The following THOC2 variants were observed in gnomAD, a reference collection of about 807,000 sequenced individuals.
THOC2 encodes the protein THO complex subunit 2, also known as THO complex 2.
In THOC2, 10 loss-of-function variants were observed where a neutral mutation model predicts 128.4. That is an observed-to-expected ratio of 0.08 (90% CI 0.05 to 0.13). The LOEUF (loss-of-function observed/expected upper bound fraction) is 0.13, where lower values mean the gene tolerates loss of function less well. Ranked by LOEUF, THOC2 falls within the 10% of genes least tolerant of loss-of-function variation. THOC2 has a pLI of 1.00. For synonymous variants in THOC2, 393 were observed against 396.9 expected (o/e 0.99, Z 0.12); for missense variants, 535 against 1,155.7 (o/e 0.46, Z 7.79).
At chrX:123,706,996 T>A in intron 2 of THOC2, 47 bp from the exon 3 acceptor site, 1 of 620,302 alleles carries the variant, frequency 1.6e-6, no homozygotes, top group Non-Finnish European at 2.4e-6. Context: ...CTCTTGAACA[T>A]GAAAAGTAAA....
rs141492331 is a variant in THOC2, at chrX:123,667,888, A to G, written c.1017+271T>C. Among the ~76,000 whole-genome samples, 207 of 111,415 alleles carry G rather than the reference A, an allele frequency of 1.9e-3. 3 individuals carry two copies. The East Asian group carries it at 0.051, about 27-fold the overall frequency. ...ATCTCTTTAGGATTTGAGGGCCACT[A>G]ATACACAGAGGACAATTAAAGTCAA... On this transcript the variant is annotated intron_variant, in intron 10 of 38. Coordinates refer to ENST00000245838, the MANE Select transcript of THOC2 (RefSeq NM_001081550.2).
Position 123,627,676 on chromosome X carries a change from C to G in THOC2, c.2757+17G>C. ...CCATAAAGTTATTGCACTTGAACTACTAGAACAAAAACCTACCATTTCCTG... is the reference window on the plus strand; with the variant it reads ...CCATAAAGTTATTGCACTTGAACTAGTAGAACAAAAACCTACCATTTCCTG... On this transcript the variant is annotated intron_variant, in intron 23 of 38. Transcript: ENST00000245838. 1 of 1,206,747 alleles carries G rather than the reference C, an allele frequency of 8.3e-7. No individual in the cohort carries two copies. The highest frequency in any genetic ancestry group is 1.1e-6 in the Non-Finnish European group (1 of 891,780).
At chrX:123,639,854 G>C (rs1283443808) in intron 16 of THOC2, among the ~76,000 whole-genome samples, 3 of 111,796 alleles carry the variant, frequency 2.7e-5, no homozygotes, top group African/African-American at 9.7e-5. Context: ...CTGAATTTTG[G>C]AATGAAAGAG....
At chrX:123,721,698 A>T (rs1420781277) in intron 1 of THOC2, among the ~76,000 whole-genome samples, 1 of 108,482 alleles carries the variant, frequency 9.2e-6, no homozygotes, top group Non-Finnish European at 1.9e-5. Flanking sequence ...AGGCAGGAGA[A>T]TCGCTTGGAC....
In THOC2 at chrX:123,700,411, G is replaced by A. The variant is rs537997183; in HGVS notation, c.275-2660C>T. Reference sequence around the variant, plus strand: ...AGCTACTCAGGAGGCTGAGGCAGGAGAATCACTTGAACCCACGAGGTGGAG... The same window carrying A: ...AGCTACTCAGGAGGCTGAGGCAGGAAAATCACTTGAACCCACGAGGTGGAG... On this transcript the variant is annotated intron_variant, in intron 4 of 38. Transcript: ENST00000245838. 3.7e-3 allele frequency among the ~76,000 whole-genome samples: 387 copies of A among 105,011 alleles called. 1 individual carries two copies. Among genetic ancestry groups the A allele is most frequent in the Non-Finnish European group, 4.6e-3 (235 of 51,250 alleles). The allele number at this position is 105,011 out of a possible 115,157, so 91.2% of individuals were successfully genotyped here.
At chrX:123,696,627 C>T in intron 6 of THOC2, 94 bp downstream of exon 6, 1 of 917,668 alleles carries the variant, frequency 1.1e-6, no homozygotes, top group East Asian at 3.5e-5. Flanking sequence ...AAAAAACAAT[C>T]TTCAAAGTCC....
intron 3 of THOC2, among the ~76,000 whole-genome samples, chrX:123,703,890 T>TAAAAAAA (rs774877149): frequency 0.014 from 516 of 36,987 alleles, 22 homozygotes; most frequent in African/African-American, 0.04. Flanking sequence ...ACTCTGTCTT[T>TAAAAAAA]AAAAAAAAAA....
intron 8 of THOC2, among the ~76,000 whole-genome samples, chrX:123,677,236 C>T (rs1254347769): frequency 1.8e-5 from 2 of 110,789 alleles, no homozygotes; most frequent in African/African-American, 3.3e-5. Context: ...AAATGGTACA[C>T]CTGTGTAGGA....
intron 7 of THOC2, among the ~76,000 whole-genome samples, chrX:123,694,811 C>T (rs2050386285): frequency 9.1e-6 from 1 of 109,895 alleles, no homozygotes; most frequent in Admixed American, 9.7e-5. Context: ...AGATTAACTT[C>T]AAAGAAAAGA....
In THOC2 at chrX:123,696,864, G is replaced by C. The variant is rs2050466168; in HGVS notation, c.346-22C>G. On this transcript the variant is annotated intron_variant, in intron 5 of 38. Transcript: ENST00000245838. ...AATACTGTATTAAAAAATATTAAAG[G>C]TCATTTATTCCTTAGCATTGCATCC... is the stretch of plus-strand genomic sequence containing the variant. 3 of 1,129,922 alleles carry C rather than the reference G, an allele frequency of 2.7e-6. No homozygotes were observed. The African/African-American group carries it at 5.5e-5, about 21-fold the overall frequency. The allele number at this position is 1,129,922 out of a possible 1,213,427, so 93.1% of individuals were successfully genotyped here. A position where few individuals can be genotyped will look rare whatever the true frequency, so the allele number is the denominator to read the frequency against.
intron 33 of THOC2, among the ~76,000 whole-genome samples, chrX:123,615,655 AT>A (rs767568906): frequency 3.2e-4 from 33 of 102,636 alleles, no homozygotes; most frequent in East Asian, 2.7e-3. Flanking sequence ...AAAAAAAAAA[AT>A]ACACACACAC....
intron 8 of THOC2, among the ~76,000 whole-genome samples, chrX:123,685,888 T>C (rs1032191422): frequency 9.0e-6 from 1 of 111,391 alleles, no homozygotes; most frequent in African/African-American, 3.3e-5. Context: ...CCAATAGCCA[T>C]TGTTTATAAA....
In THOC2 at chrX:123,627,931, C is replaced by G; in HGVS notation, c.2519G>C (p.Ser840Thr). The change falls in exon 23 of 39, where the codon AGT becomes ACT. Residue 840 changes from serine to threonine, a missense_variant. This residue lies in a region of THOC2 where 90 missense variants were observed against 298.6 expected (regional missense o/e 0.30). Transcript: ENST00000245838. ...CTTATGAACTTTATGTTGCTGTTTA[C>G]TTCCCTTTTCTGATTTTTTAAGTTC... The part of the protein sequence containing the change: ...YDELKKSEKG[S>T]KQQHKVHKYI... The G allele has an allele frequency of 8.3e-7, 1 of 1,207,708 alleles. No individual in the cohort carries two copies. Among genetic ancestry groups the G allele is most frequent in the Non-Finnish European group, 1.1e-6 (1 of 892,109 alleles).
At position 123,660,162 on chromosome X, in the gene THOC2, C is replaced by T. The variant is rs142830548; in HGVS notation, c.1386+5480G>A. ...CTCTGCAAGAATAGACTGGAGTTAACGCAGGAACCTGGCACAACTAGGGCA... is the reference window on the plus strand; with the variant it reads ...CTCTGCAAGAATAGACTGGAGTTAATGCAGGAACCTGGCACAACTAGGGCA... On this transcript the variant is annotated intron_variant, in intron 12 of 38. Transcript: ENST00000245838. 3.4e-4 allele frequency among the ~76,000 whole-genome samples: 38 copies of T among 111,541 alleles called. No individual in the cohort carries two copies. In the East Asian group the frequency reaches 4.8e-3, roughly 14 times the overall value.
chrX:123,688,131 G>A (rs1188249498), intron 7 of THOC2, among the ~76,000 whole-genome samples: 1 of 112,046 alleles, frequency 8.9e-6, no homozygotes, highest in South Asian at 3.6e-4. Context: ...AGAAATAAAT[G>A]TCTATGTCAA....
chrX:123,601,067 A>G lies in THOC2; in HGVS notation c.*290T>C, dbSNP rs2046257404. Reference sequence around the variant, plus strand: ...TAGTTAATCTAAAGTAAAACTCTGTACACAGGTAACCTTATGCAGCACATT... The same window carrying G: ...TAGTTAATCTAAAGTAAAACTCTGTGCACAGGTAACCTTATGCAGCACATT... On this transcript the variant is annotated 3_prime_UTR_variant, in exon 39 of 39. Transcript: ENST00000245838. 1 of 112,849 alleles carries G rather than the reference A, an allele frequency of 8.9e-6. No homozygotes were observed. The highest frequency in any genetic ancestry group is 1.9e-5 in the Non-Finnish European group (1 of 53,340). The allele number at this position is 112,849 out of a possible 1,213,427, so 9.3% of individuals were successfully genotyped here.
chrX:123,694,604 T>C (rs1401869135), intron 7 of THOC2, among the ~76,000 whole-genome samples: 7 of 56,991 alleles, frequency 1.2e-4, no homozygotes, highest in African/African-American at 4.1e-4. Flanking sequence ...TGAGACTCCA[T>C]CTAAAAAAAA....
chrX:123,632,754 C>T, intron 21 of THOC2, 107 bp downstream of exon 21: 1 of 616,760 alleles, frequency 1.6e-6, no homozygotes, highest in Admixed American at 3.1e-5. Flanking sequence ...TAGGATGTCT[C>T]ATATTCAAAT....
At chrX:123,685,839 A>G (rs2049979939) in intron 8 of THOC2, among the ~76,000 whole-genome samples, 1 of 111,063 alleles carries the variant, frequency 9.0e-6, no homozygotes, top group Non-Finnish European at 1.9e-5. Flanking sequence ...GAATGATGTA[A>G]GATGTGCCTT....
Sources: gnomAD v4.1 joint callset for allele counts (sites outside exome capture counted in the v4.1 genomes callset) on GRCh38, gnomAD v4.1.1 for gene constraint, gnomAD v4.1.1 regional missense constraint, MANE v1.5 for transcripts, NCBI Gene and HGNC (gene_info 2026-07-23, HGNC 2026-07-21) for gene names.